Variants in NELL1 observed in about 807,000 individuals in gnomAD.
NELL1 encodes protein kinase C-binding protein NELL1.
Under a neutral mutation model 107.4 loss-of-function variants are expected in NELL1, and 76 were observed. The observed-to-expected ratio is 0.71, with a 90% CI of 0.59 to 0.86. NELL1 has a LOEUF of 0.86. NELL1 is among the 40% of genes least tolerant of loss of function. NELL1 has a pLI of 0.00. For missense variants in NELL1, 1,024 were observed against 1,005.5 expected, an observed-to-expected ratio of 1.02 and a Z score of -0.25; for synonymous variants, 353 against 341.2, an observed-to-expected ratio of 1.03 and a Z score of -0.38.
intron 2 of NELL1, among the ~76,000 whole-genome samples, chr11:20,730,235 A>T (rs955974732): frequency 6.6e-6 from 1 of 152,154 alleles, no homozygotes; most frequent in Non-Finnish European, 1.5e-5. Flanking sequence ...ATACTGTTAA[A>T]TTAGCAGCTA....
At chr11:20,829,296 G>A (rs1017615828) in intron 3 of NELL1, among the ~76,000 whole-genome samples, 2 of 146,812 alleles carry the variant, frequency 1.4e-5, no homozygotes, top group African/African-American at 2.5e-5. Context: ...GTGCAATCGC[G>A]GCTCACTGCA....
intron 4 of NELL1, 84 bp from the exon 5 acceptor site, chr11:20,885,360 G>A: frequency 1.2e-6 from 1 of 813,920 alleles, no homozygotes; most frequent in Non-Finnish European, 2.2e-6. Flanking sequence ...AGCAGCTAAT[G>A]GCATGCATAC....
chr11:20,859,870 G>T (rs570232224), intron 4 of NELL1, among the ~76,000 whole-genome samples: 125 of 152,212 alleles, frequency 8.2e-4, no homozygotes, highest in African/African-American at 2.8e-3. Context: ...TGGACATTAG[G>T]TTGATACATA....
At chr11:21,425,165 A>G (rs1852787472) in intron 15 of NELL1, among the ~76,000 whole-genome samples, 1 of 152,226 alleles carries the variant, frequency 6.6e-6, no homozygotes, top group African/African-American at 2.4e-5. Context: ...CAATGACTCA[A>G]TAAAATCCCA....
At chr11:20,981,373 G>A (rs745451566) in intron 12 of NELL1, among the ~76,000 whole-genome samples, 2 of 152,054 alleles carry the variant, frequency 1.3e-5, no homozygotes, top group Non-Finnish European at 2.9e-5. Flanking sequence ...AAGGTATGTG[G>A]GTATGACAGA....
chr11:21,458,107 C>G (rs543266450), intron 15 of NELL1, among the ~76,000 whole-genome samples: 7 of 152,248 alleles, frequency 4.6e-5, no homozygotes, highest in Non-Finnish European at 1.0e-4. Flanking sequence ...CGAAGAGAGA[C>G]ACTGGGAGAA....
chr11:21,323,120 A>G (rs1170629103), intron 14 of NELL1, among the ~76,000 whole-genome samples: 1 of 152,192 alleles, frequency 6.6e-6, no homozygotes, highest in African/African-American at 2.4e-5. Flanking sequence ...AAAACAATGA[A>G]GTAGAGTACT....
intron 9 of NELL1, 34 bp downstream of exon 9, chr11:20,928,513 G>C: frequency 6.6e-7 from 1 of 1,510,218 alleles, no homozygotes; most frequent in South Asian, 1.1e-5. Flanking sequence ...CTGGCTGTCT[G>C]TGTTTTGAGA....
chr11:20,959,657 G>A (rs1418925865), intron 11 of NELL1, among the ~76,000 whole-genome samples: 6 of 152,108 alleles, frequency 3.9e-5, no homozygotes, highest in Admixed American at 3.3e-4. Context: ...TAGACTTTAG[G>A]AATTTAGGGG....
chr11:21,498,333 T>TTATA lies in NELL1; in HGVS notation c.1646-36030_1646-36027dup, dbSNP rs34418018. Among the ~76,000 whole-genome samples the TTATA allele has an allele frequency of 1.6e-4, 18 of 113,748 alleles. 1 individual carries two copies. The East Asian group carries it at 3.3e-3, about 21-fold the overall frequency. 74.6% of individuals were successfully genotyped at this position (113,748 alleles called of 152,430 possible). On this transcript the variant is annotated intron_variant, in intron 15 of 19. Coordinates refer to ENST00000357134, the MANE Select transcript of NELL1 (RefSeq NM_006157.5). ...ATTTTGCTACACATCCATAAACATA[T>TTATA]TATATATATATATACATATATATAT...
intron 14 of NELL1, among the ~76,000 whole-genome samples, chr11:21,263,945 A>G (rs930277279): frequency 6.6e-6 from 1 of 151,992 alleles, no homozygotes; most frequent in Admixed American, 6.6e-5. Flanking sequence ...ATGAAATTTC[A>G]AGAAGGAGCA....
intron 3 of NELL1, among the ~76,000 whole-genome samples, chr11:20,832,756 C>T (rs1432036112): frequency 1.3e-5 from 2 of 152,132 alleles, no homozygotes. Flanking sequence ...GTTCTTATAG[C>T]ATGCTAGTTA....
At position 20,781,271 on chromosome 11, in the gene NELL1, G is replaced by C. The variant is rs187498025; in HGVS notation, c.185-2409G>C. 2.6e-5 allele frequency among the ~76,000 whole-genome samples: 4 copies of C among 152,296 alleles called. No homozygotes were observed. In the East Asian group the frequency reaches 7.7e-4, roughly 29 times the overall value. On this transcript the variant is annotated intron_variant, in intron 2 of 19. Transcript: ENST00000357134. ...TCTAGTTTTTTGACTTGAGGAACAG[G>C]GTGTGACCGTTTACTAAGACTGGGA... is the stretch of plus-strand genomic sequence containing the variant.
At chr11:20,721,781 C>T (rs936550169) in intron 2 of NELL1, among the ~76,000 whole-genome samples, 1 of 152,026 alleles carries the variant, frequency 6.6e-6, no homozygotes, top group Non-Finnish European at 1.5e-5. Flanking sequence ...AAGACTAGGG[C>T]AAAGGGTAAA....
chr11:20,988,407 A>G (rs963781249), intron 12 of NELL1, among the ~76,000 whole-genome samples: 5 of 150,334 alleles, frequency 3.3e-5, no homozygotes, highest in Admixed American at 3.3e-4. Context: ...ACATATCTAT[A>G]TATACACATG....
intron 15 of NELL1, among the ~76,000 whole-genome samples, chr11:21,423,350 C>T (rs1170113776): frequency 1.3e-5 from 2 of 151,372 alleles, no homozygotes; most frequent in Non-Finnish European, 2.9e-5. Context: ...AGCCTGGCGA[C>T]AGAGAGAGAC....
intron 18 of NELL1, among the ~76,000 whole-genome samples, chr11:21,571,563 A>G (rs1159180458): frequency 1.3e-5 from 2 of 151,928 alleles, no homozygotes; most frequent in Admixed American, 6.6e-5. Context: ...TACTTAGTGT[A>G]TGGTAGTAAC....
intron 13 of NELL1, among the ~76,000 whole-genome samples, chr11:21,161,348 G>A (rs1028986458): frequency 1.3e-5 from 2 of 152,074 alleles, no homozygotes; most frequent in Admixed American, 6.6e-5. Context: ...GACTAGCCTG[G>A]CCAACATAGC....
chr11:21,180,321 T>C (rs1856802301), intron 13 of NELL1, among the ~76,000 whole-genome samples: 1 of 151,804 alleles, frequency 6.6e-6, no homozygotes. Flanking sequence ...CGGGTGTTAA[T>C]TGGAAAACAA....
Sources: allele counts gnomAD v4.1 joint callset (sites outside exome capture counted in the v4.1 genomes callset), GRCh38; gene constraint gnomAD v4.1.1; transcripts MANE v1.5; gene names NCBI Gene and HGNC (gene_info 2026-07-23, HGNC 2026-07-21).